The following MTUS2 variants were observed in gnomAD, a reference collection of about 807,000 sequenced individuals.
MTUS2 encodes the protein microtubule associated scaffold protein 2.
Under a neutral mutation model 114.1 loss-of-function variants are expected in MTUS2, and 40 were observed. That is an observed-to-expected ratio of 0.35 (90% CI 0.27 to 0.46). The LOEUF is 0.46. Among genes scored for constraint, MTUS2 ranks in the 20% least tolerant of loss-of-function variants. The pLI, the probability that MTUS2 is intolerant of heterozygous loss-of-function variation, is 1.00. For synonymous variants in MTUS2, 688 were observed against 672.0 expected (o/e 1.02, Z -0.37); for missense variants, 1,679 against 1,705.4 (o/e 0.98, Z 0.27).
chr13:29,112,528 A>C (rs1348017556), intron 5 of MTUS2, among the ~76,000 whole-genome samples: 2 of 152,194 alleles, frequency 1.3e-5, no homozygotes, highest in Admixed American at 6.5e-5. Context: ...GAGAGTGTCT[A>C]CTACTGTTGA....
At chr13:29,090,311 G>A (rs1012824421) in intron 4 of MTUS2, among the ~76,000 whole-genome samples, 5 of 152,144 alleles carry the variant, frequency 3.3e-5, no homozygotes, top group African/African-American at 1.2e-4. Flanking sequence ...TGGAAGAGCC[G>A]AGATGTTCCT....
At chr13:29,233,793 T>G (rs1022458405) in intron 5 of MTUS2, among the ~76,000 whole-genome samples, 3 of 152,228 alleles carry the variant, frequency 2.0e-5, no homozygotes, top group Non-Finnish European at 4.4e-5. Flanking sequence ...ACAACTCTTT[T>G]GAATGCTTTT....
intron 1 of MTUS2, among the ~76,000 whole-genome samples, chr13:28,828,599 G>C (rs866404392): frequency 6.6e-6 from 1 of 152,196 alleles, no homozygotes; most frequent in Middle Eastern, 3.4e-3. Flanking sequence ...ATGTTCTTCT[G>C]CCATGGCTTC....
intron 7 of MTUS2, among the ~76,000 whole-genome samples, chr13:29,326,778 C>T (rs189938432): frequency 1.4e-3 from 217 of 152,032 alleles, no homozygotes; most frequent in African/African-American, 4.8e-3. Flanking sequence ...GTCAGGAGTT[C>T]GACACCAGCC....
At chr13:29,271,075 C>T (rs1033631737) in intron 5 of MTUS2, among the ~76,000 whole-genome samples, 2 of 152,120 alleles carry the variant, frequency 1.3e-5, no homozygotes, top group Non-Finnish European at 2.9e-5. Context: ...TCTTCTGGGG[C>T]CTGTAACCTT....
chr13:28,895,803 C>A (rs1879231706), intron 2 of MTUS2, among the ~76,000 whole-genome samples: 1 of 152,136 alleles, frequency 6.6e-6, no homozygotes, highest in Admixed American at 6.6e-5. Context: ...ACGTTAAATA[C>A]AATGCAGAAT....
At chr13:29,396,130 G>A (rs1873899037) in intron 8 of MTUS2, among the ~76,000 whole-genome samples, 1 of 152,208 alleles carries the variant, frequency 6.6e-6, no homozygotes, top group Non-Finnish European at 1.5e-5. Context: ...TTGGCCAGTT[G>A]TGATGAAAAG....
intron 5 of MTUS2, among the ~76,000 whole-genome samples, chr13:29,116,715 A>G (rs1483780356): frequency 6.6e-6 from 1 of 152,180 alleles, no homozygotes; most frequent in South Asian, 2.1e-4. Flanking sequence ...GCCACAGTCC[A>G]TCTGATCACT....
chr13:29,080,034 A>G (rs1178522709), intron 4 of MTUS2, among the ~76,000 whole-genome samples: 1 of 152,182 alleles, frequency 6.6e-6, no homozygotes, highest in Non-Finnish European at 1.5e-5. Context: ...TGAACATGGG[A>G]TGCTTTCTAA....
At chr13:29,047,841 T>A (rs1887706941) in intron 4 of MTUS2, among the ~76,000 whole-genome samples, 1 of 152,202 alleles carries the variant, frequency 6.6e-6, no homozygotes, top group Admixed American at 6.5e-5. Context: ...TACATTTCAG[T>A]GATCCCTGGC....
chr13:29,105,155 C>G (rs1238938617), intron 5 of MTUS2, among the ~76,000 whole-genome samples: 1 of 152,120 alleles, frequency 6.6e-6, no homozygotes, highest in African/African-American at 2.4e-5. Context: ...ATTCCAAGAT[C>G]TGAAAAATTC....
intron 2 of MTUS2, among the ~76,000 whole-genome samples, chr13:28,869,936 C>A (rs191298939): frequency 6.6e-6 from 1 of 152,104 alleles, no homozygotes; most frequent in Non-Finnish European, 1.5e-5. Flanking sequence ...TAATTTCTTT[C>A]TTTTTTGAAT....
intron 8 of MTUS2, among the ~76,000 whole-genome samples, chr13:29,400,841 A>G (rs949849996): frequency 6.6e-6 from 1 of 152,240 alleles, no homozygotes; most frequent in Non-Finnish European, 1.5e-5. Flanking sequence ...TCTTTGCACT[A>G]TGCTATTCCT....
chr13:28,826,292 G>T (rs1341312860), intron 1 of MTUS2, among the ~76,000 whole-genome samples: 1 of 152,084 alleles, frequency 6.6e-6, no homozygotes, highest in South Asian at 2.1e-4. Context: ...TGAATGAATA[G>T]ATAAAAAATG....
rs868563922 is a variant in MTUS2 at position 28,909,120 on chromosome 13, G to C, written c.-243+69270G>C. Among the ~76,000 whole-genome samples, 324 of 151,626 alleles carry C rather than the reference G, an allele frequency of 2.1e-3. 4 individuals are homozygous for C. Among genetic ancestry groups the C allele is most frequent in the African/African-American group, 7.4e-3 (303 of 41,164 alleles). On this transcript the variant is annotated intron_variant, in intron 2 of 15. Coordinates refer to ENST00000612955, the MANE Select transcript of MTUS2 (RefSeq NM_001033602.4). ...TTGTAGTATAGTTTGAAGTCAGGTA[G>C]CGTGATGCCTCCAGCTTTGTTCTTT...
intron 4 of MTUS2, among the ~76,000 whole-genome samples, chr13:29,098,342 A>G (rs981230452): frequency 2.0e-5 from 3 of 152,210 alleles, no homozygotes; most frequent in Non-Finnish European, 4.4e-5. Flanking sequence ...TGCTAGAAGG[A>G]AAGACCATTA....
At chr13:29,167,695 A>C (rs922314974) in intron 5 of MTUS2, among the ~76,000 whole-genome samples, 1 of 152,082 alleles carries the variant, frequency 6.6e-6, no homozygotes, top group Non-Finnish European at 1.5e-5. Flanking sequence ...TGTAATCCAA[A>C]ATGCTCCAAA....
intron 8 of MTUS2, among the ~76,000 whole-genome samples, chr13:29,360,921 A>G (rs1322492342): frequency 2.0e-5 from 3 of 152,126 alleles, no homozygotes; most frequent in Non-Finnish European, 4.4e-5. Context: ...GACATCATCC[A>G]AAGAGTCAGA....
intron 4 of MTUS2, among the ~76,000 whole-genome samples, chr13:29,036,176 A>G (rs1887063746): frequency 6.6e-6 from 1 of 151,400 alleles, no homozygotes; most frequent in African/African-American, 2.4e-5. Context: ...ATAAAAGAAA[A>G]ACCCAACAGC....
Sources: allele counts gnomAD v4.1 joint callset (sites outside exome capture counted in the v4.1 genomes callset), GRCh38; gene constraint gnomAD v4.1.1; transcripts MANE v1.5; gene names NCBI Gene and HGNC (gene_info 2026-07-23, HGNC 2026-07-21).